Variants in MIA2 observed in about 807,000 individuals in gnomAD.
MIA2 encodes the protein melanoma inhibitory activity protein 2.
In MIA2, 127 loss-of-function variants were observed where a neutral mutation model predicts 167.8. The ratio of observed to expected loss-of-function variants is 0.76; its 90% CI spans 0.66 to 0.88. The LOEUF (loss-of-function observed/expected upper bound fraction) is 0.88, where lower values mean the gene tolerates loss of function less well. Among genes scored for constraint, MIA2 ranks in the 40% least tolerant of loss-of-function variants. The pLI is 0.00. For synonymous variants in MIA2, 552 were observed against 541.9 expected, an observed-to-expected ratio of 1.02 and a Z score of -0.26; for missense variants, 1,690 against 1,624.7, an observed-to-expected ratio of 1.04 and a Z score of -0.69.
At chr14:39,292,611 A>ATT in intron 10 of MIA2, 5 of 256,950 alleles carry the variant, frequency 1.9e-5, no homozygotes, top group South Asian at 1.9e-4. Flanking sequence ...TGTAGTATGT[A>ATT]TTTTTTTTGC....
intron 25 of MIA2, among the ~76,000 whole-genome samples, chr14:39,332,977 A>C (rs1870987494): frequency 6.6e-6 from 1 of 152,038 alleles, no homozygotes; most frequent in African/African-American, 2.4e-5. Flanking sequence ...GTTTTATTTT[A>C]GATATATTTT....
chr14:39,265,625 C>A, intron 6 of MIA2: 1 of 422,530 alleles, frequency 2.4e-6, no homozygotes, highest in Non-Finnish European at 4.1e-6. Flanking sequence ...TTAGGGAGGG[C>A]AAAGGGAGGT....
chr14:39,269,733 C>A (rs1468913655), intron 6 of MIA2, among the ~76,000 whole-genome samples: 1 of 152,074 alleles, frequency 6.6e-6, no homozygotes, highest in Non-Finnish European at 1.5e-5. Flanking sequence ...GTTACCCAGG[C>A]TGGTCTTGAG....
At chr14:39,376,034 A>G (rs2075039134) in intron 23 of MIA2, among the ~76,000 whole-genome samples, 1 of 151,976 alleles carries the variant, frequency 6.6e-6, no homozygotes, top group East Asian at 1.9e-4. Flanking sequence ...GCTCACTGCA[A>G]CCTCCACCTC....
chr14:39,372,535 T>A (rs2074968920), intron 23 of MIA2, among the ~76,000 whole-genome samples: 1 of 152,214 alleles, frequency 6.6e-6, no homozygotes, highest in Admixed American at 6.5e-5. Context: ...GGGTACCATA[T>A]GTTAAATGTG....
intron 9 of MIA2, among the ~76,000 whole-genome samples, chr14:39,282,954 CT>C (rs2059156007): frequency 6.6e-6 from 1 of 152,162 alleles, no homozygotes; most frequent in African/African-American, 2.4e-5. Context: ...TATATTTGAC[CT>C]TTACAAAAAT....
intron 9 of MIA2, among the ~76,000 whole-genome samples, chr14:39,288,467 A>AT (rs1264770913): frequency 4.3e-4 from 22 of 51,574 alleles, no homozygotes; most frequent in African/African-American, 1.6e-3. Flanking sequence ...ATATATATAT[A>AT]TATATATATT....
chr14:39,327,511 A>G lies in MIA2; in HGVS notation c.3655+489A>G, dbSNP rs933110745. Among the ~76,000 whole-genome samples, 14 of 152,178 alleles carry G rather than the reference A, an allele frequency of 9.2e-5. 1 individual carries two copies. On this transcript the variant is annotated intron_variant, in intron 25 of 28. Coordinates refer to ENST00000640607, the MANE Select transcript of MIA2 (RefSeq NM_001329214.4). ...ACCATTTTATCTCACCAAAATAAAT[A>G]TATTTACCAGAAGAGTCACAGCAGA...
rs779833498 is a variant in MIA2, at chr14:39,349,011, A to G, written c.4072+34A>G. The G allele has an allele frequency of 9.5e-6, 15 of 1,584,990 alleles. 1 individual carries two copies. The highest frequency in any genetic ancestry group is 3.4e-4 in the Middle Eastern group (2 of 5,952). ...TTTTAAACTTTTTTTTTAAAGCTCA[A>G]TATGTGGTTTATTAATCGGAGATTT... On this transcript the variant is annotated intron_variant, in intron 28 of 28. Coordinates refer to ENST00000640607, the MANE Select transcript of MIA2 (RefSeq NM_001329214.4).
At chr14:39,321,331 T>G (rs2066393749) in intron 24 of MIA2, among the ~76,000 whole-genome samples, 3 of 152,124 alleles carry the variant, frequency 2.0e-5, no homozygotes, top group Non-Finnish European at 4.4e-5. Context: ...TTTTATTTTT[T>G]GAGATGGAGT....
intron 23 of MIA2, among the ~76,000 whole-genome samples, chr14:39,380,673 C>A (rs1480464879): frequency 6.9e-5 from 8 of 115,184 alleles, no homozygotes; most frequent in Non-Finnish European, 1.3e-4. Context: ...AGCCTGGCGA[C>A]AGAGCGAGAC....
At chr14:39,297,699 T>G (rs79002657) in intron 13 of MIA2, among the ~76,000 whole-genome samples, 33 of 63,336 alleles carry the variant, frequency 5.2e-4, no homozygotes, top group Middle Eastern at 7.6e-3. Flanking sequence ...GTGTGTGTGT[T>G]TGTGTGTGTG....
At chr14:39,384,251 C>G (rs1347054250) in intron 23 of MIA2, among the ~76,000 whole-genome samples, 3 of 152,188 alleles carry the variant, frequency 2.0e-5, no homozygotes, top group African/African-American at 7.2e-5. Flanking sequence ...TCTGCCTGTG[C>G]TCCATAAATG....
At chr14:39,271,946 G>A (rs2057233774) in intron 6 of MIA2, among the ~76,000 whole-genome samples, 1 of 152,192 alleles carries the variant, frequency 6.6e-6, no homozygotes, top group Non-Finnish European at 1.5e-5. Flanking sequence ...CTGTGTGGCT[G>A]GGTCTGCGGC....
At position 39,288,452 on chromosome 14, in the gene MIA2, TATATATATA is replaced by T. The variant is rs1450145875; in HGVS notation, c.2131-2566_2131-2558del. Among the ~76,000 whole-genome samples the T allele has an allele frequency of 4.9e-3, 74 of 15,118 alleles. 5 individuals carry two copies. Among genetic ancestry groups the T allele is most frequent in the Middle Eastern group, 0.016 (1 of 64 alleles). The allele number at this position is 15,118 out of a possible 152,430, so 9.9% of individuals were successfully genotyped here. ...TTATACATATATATATATATATATA[TATATATATA>T]TATATATATATATATTTTTTTTTTT... On this transcript the variant is annotated intron_variant, in intron 9 of 28. Coordinates refer to ENST00000640607, the MANE Select transcript of MIA2 (RefSeq NM_001329214.4).
chr14:39,370,651 G>T, intron 23 of MIA2: 1 of 303,036 alleles, frequency 3.3e-6, no homozygotes, highest in Non-Finnish European at 6.7e-6. Flanking sequence ...GCCCGAGTCT[G>T]TCGCACGTGC....
intron 1 of MIA2, among the ~76,000 whole-genome samples, chr14:39,235,556 T>A (rs1955423467): frequency 6.6e-6 from 1 of 152,028 alleles, no homozygotes; most frequent in South Asian, 2.1e-4. Flanking sequence ...GGTGGGAGGA[T>A]CACTTGAGTC....
At chr14:39,366,438 G>C (rs994839069) in intron 23 of MIA2, among the ~76,000 whole-genome samples, 4 of 152,162 alleles carry the variant, frequency 2.6e-5, no homozygotes, top group Admixed American at 2.0e-4. Context: ...GAGTTTCCAG[G>C]TGGCACACAC....
intron 9 of MIA2, among the ~76,000 whole-genome samples, chr14:39,286,193 G>A (rs984860045): frequency 1.3e-5 from 2 of 152,242 alleles, no homozygotes; most frequent in African/African-American, 2.4e-5. Flanking sequence ...CTGCAATCCC[G>A]GCACCTCGGG....
Sources: gnomAD v4.1 joint callset for allele counts (sites outside exome capture counted in the v4.1 genomes callset) on GRCh38, gnomAD v4.1.1 for gene constraint, MANE v1.5 for transcripts, NCBI Gene and HGNC (gene_info 2026-07-23, HGNC 2026-07-21) for gene names.